GRIK1: variants seen among roughly 807,000 people sequenced by gnomAD.
GRIK1 encodes the protein glutamate ionotropic receptor kainate type subunit 1.
A neutral mutation model predicts 105.7 loss-of-function variants in GRIK1; 69 were observed. The observed-to-expected ratio is 0.65, with a 90% CI of 0.54 to 0.80. The LOEUF is 0.80. Ranked by LOEUF, GRIK1 falls within the 30% of genes least tolerant of loss-of-function variation. GRIK1 has a pLI of 0.00. For synonymous variants in GRIK1, 438 were observed against 431.3 expected, an observed-to-expected ratio of 1.02 and a Z score of -0.19; for missense variants, 1,109 against 1,167.3, an observed-to-expected ratio of 0.95 and a Z score of 0.73.
chr21:29,784,563 A>G (rs1007738066), intron 1 of GRIK1, among the ~76,000 whole-genome samples: 4 of 152,070 alleles, frequency 2.6e-5, no homozygotes, highest in African/African-American at 4.8e-5. Flanking sequence ...TCTTTGGTTA[A>G]ATTTGGAGAT....
rs1203408137 is a variant in GRIK1, at chr21:29,581,466, A to G, written c.1871T>C (p.Leu624Pro). ...SDVVENNFTLLNSFWFGVGAL... is the reference protein window; with the variant it reads ...SDVVENNFTLPNSFWFGVGAL... The stretch of plus-strand genomic sequence containing the variant: ...TCCAACTCCAAACCAGAAACTATTT[A>G]GTAAAGTAAAATTGTTTTCCACCAC... The change falls in exon 13 of 18, where the codon CTA becomes CCA. Residue 624 changes from leucine (L) to proline (P), a missense_variant. Transcript: ENST00000327783. 13 of 1,613,022 alleles carry G rather than the reference A, an allele frequency of 8.1e-6. No homozygotes were observed. Among genetic ancestry groups the G allele is most frequent in the Non-Finnish European group, 1.1e-5 (13 of 1,179,152 alleles).
intron 4 of GRIK1, among the ~76,000 whole-genome samples, chr21:29,659,241 G>C (rs2146592670): frequency 6.6e-6 from 1 of 152,222 alleles, no homozygotes; most frequent in East Asian, 1.9e-4. Flanking sequence ...AAATAATCAT[G>C]ATTGGGACAA....
chr21:29,700,952 A>C (rs1568991146), intron 1 of GRIK1, among the ~76,000 whole-genome samples: 1 of 152,230 alleles, frequency 6.6e-6, no homozygotes. Flanking sequence ...TCTCAAAGGA[A>C]TATATTGTTC....
intron 7 of GRIK1, among the ~76,000 whole-genome samples, chr21:29,634,630 G>GT (rs1426059011): frequency 6.6e-6 from 1 of 151,980 alleles, no homozygotes; most frequent in Non-Finnish European, 1.5e-5. Flanking sequence ...ACGGTGCTGA[G>GT]TGAAGCATGT....
chr21:29,793,750 A>G (rs1339574599), intron 1 of GRIK1, among the ~76,000 whole-genome samples: 2 of 152,230 alleles, frequency 1.3e-5, no homozygotes, highest in Admixed American at 6.5e-5. Context: ...ATTGATTTCA[A>G]ATAAATACAT....
intron 16 of GRIK1, among the ~76,000 whole-genome samples, chr21:29,547,898 A>G (rs1984494023): frequency 6.6e-6 from 1 of 152,242 alleles, no homozygotes; most frequent in South Asian, 2.1e-4. Flanking sequence ...AACACCGAGG[A>G]AAGATAAATA....
At chr21:29,935,671 A>T (rs1432964127) in intron 1 of GRIK1, among the ~76,000 whole-genome samples, 3 of 152,220 alleles carry the variant, frequency 2.0e-5, no homozygotes, top group African/African-American at 7.2e-5. Context: ...AGATTTCCAC[A>T]CTATTCATAT....
chr21:29,575,614 A>G (rs1246027514), intron 14 of GRIK1, among the ~76,000 whole-genome samples: 1 of 152,156 alleles, frequency 6.6e-6, no homozygotes, highest in Non-Finnish European at 1.5e-5. Flanking sequence ...CAGGCAGATC[A>G]CAAGGTCAGG....
At chr21:29,904,382 T>C (rs1040791849) in intron 1 of GRIK1, among the ~76,000 whole-genome samples, 4 of 152,072 alleles carry the variant, frequency 2.6e-5, no homozygotes, top group African/African-American at 9.7e-5. Flanking sequence ...GGAACTATTA[T>C]GACTATATAG....
intron 16 of GRIK1, among the ~76,000 whole-genome samples, chr21:29,540,647 C>T (rs868009823): frequency 1.3e-5 from 2 of 152,144 alleles, no homozygotes; most frequent in Admixed American, 6.5e-5. Flanking sequence ...AAAGATTGAG[C>T]TTCTGAACTG....
At chr21:29,866,575 T>C (rs1388013637) in intron 1 of GRIK1, among the ~76,000 whole-genome samples, 3 of 152,156 alleles carry the variant, frequency 2.0e-5, no homozygotes, top group African/African-American at 7.2e-5. Context: ...AACTTGGCCA[T>C]GGTAGTGGTG....
At chr21:29,862,132 G>A (rs2068662625) in intron 1 of GRIK1, among the ~76,000 whole-genome samples, 1 of 152,042 alleles carries the variant, frequency 6.6e-6, no homozygotes, top group Non-Finnish European at 1.5e-5. Context: ...GACTACAGGT[G>A]TGCACCACCA....
intron 1 of GRIK1, among the ~76,000 whole-genome samples, chr21:29,720,191 G>T (rs1197455181): frequency 6.6e-6 from 1 of 152,062 alleles, no homozygotes; most frequent in East Asian, 1.9e-4. Context: ...TTAGACCATC[G>T]TGTTTTTTAA....
At chr21:29,542,729 T>G (rs1418589544) in intron 16 of GRIK1, among the ~76,000 whole-genome samples, 1 of 152,252 alleles carries the variant, frequency 6.6e-6, no homozygotes, top group Non-Finnish European at 1.5e-5. Context: ...TTCAGAGAAC[T>G]GCTTTGGATG....
chr21:29,581,364 A>G, intron 13 of GRIK1, 61 bp downstream of exon 13: 1 of 948,996 alleles, frequency 1.1e-6, no homozygotes, highest in Non-Finnish European at 1.7e-6. Context: ...GGAGTTTACC[A>G]GCATGAAAGC....
chr21:29,629,497 C>CT (rs376423917), intron 7 of GRIK1, among the ~76,000 whole-genome samples: 45 of 148,112 alleles, frequency 3.0e-4, no homozygotes, highest in Admixed American at 9.4e-4. Flanking sequence ...TTCTTTCTTT[C>CT]TTTTTTTTTT....
intron 16 of GRIK1, among the ~76,000 whole-genome samples, chr21:29,544,700 G>A (rs1311359737): frequency 6.6e-6 from 1 of 152,222 alleles, no homozygotes; most frequent in Non-Finnish European, 1.5e-5. Context: ...TTGAAACAAG[G>A]AAAAGGCAGG....
intron 15 of GRIK1, among the ~76,000 whole-genome samples, chr21:29,557,478 T>C (rs1348345189): frequency 6.6e-6 from 1 of 152,218 alleles, no homozygotes; most frequent in Admixed American, 6.5e-5. Flanking sequence ...CACGACAGTG[T>C]TCCCAACCAT....
intron 1 of GRIK1, among the ~76,000 whole-genome samples, chr21:29,924,471 G>C (rs1481799505): frequency 6.6e-6 from 1 of 152,144 alleles, no homozygotes; most frequent in African/African-American, 2.4e-5. Flanking sequence ...GTTACTGTAA[G>C]AAAGGTTAAG....
Sources: allele counts gnomAD v4.1 joint callset (sites outside exome capture counted in the v4.1 genomes callset), GRCh38; gene constraint gnomAD v4.1.1; transcripts MANE v1.5; gene names NCBI Gene and HGNC (gene_info 2026-07-23, HGNC 2026-07-21).